Variants in RHCE observed in about 807,000 individuals in gnomAD.
RHCE encodes the protein blood group Rh(CE) polypeptide.
A neutral mutation model predicts 43.8 loss-of-function variants in RHCE; 22 were observed. The ratio of observed to expected loss-of-function variants is 0.50; its 90% CI spans 0.36 to 0.72. The LOEUF (loss-of-function observed/expected upper bound fraction) is 0.72, where lower values mean the gene tolerates loss of function less well. Among genes scored for constraint, RHCE ranks in the 30% least tolerant of loss-of-function variants. The pLI is 0.00. For synonymous variants in RHCE, 156 were observed against 210.7 expected, an observed-to-expected ratio of 0.74 and a Z score of 2.25; for missense variants, 385 against 525.4, an observed-to-expected ratio of 0.73 and a Z score of 2.61.
rs1646950398 is a variant in RHCE at position 25,407,338 on chromosome 1, A to C, written c.335+1345T>G. Reference sequence around the variant, plus strand: ...CTCTGGAGCATGTGGAAAAGGTTATAAAAAAAAGTTAGAGCCATCTCCACC... The same window carrying C: ...CTCTGGAGCATGTGGAAAAGGTTATCAAAAAAAGTTAGAGCCATCTCCACC... On this transcript the variant is annotated intron_variant, in intron 2 of 9. Coordinates refer to ENST00000294413, the MANE Select transcript of RHCE (RefSeq NM_020485.8). Among the ~76,000 whole-genome samples the C allele has an allele frequency of 1.6e-5, 2 of 123,374 alleles. 1 individual carries two copies. The highest frequency in any genetic ancestry group is 3.7e-5 in the Non-Finnish European group (2 of 54,084). 80.9% of individuals were successfully genotyped at this position (123,374 alleles called of 152,430 possible). A position where few individuals can be genotyped will look rare whatever the true frequency, so the allele number is the denominator to read the frequency against.
chr1:25,378,507 T>C (rs563318208), intron 7 of RHCE, among the ~76,000 whole-genome samples: 12 of 152,360 alleles, frequency 7.9e-5, no homozygotes, highest in Non-Finnish European at 1.8e-4. Context: ...ATTCTCGATT[T>C]GTCTATCCGG....
At chr1:25,379,751 T>C (rs980202272) in intron 7 of RHCE, among the ~76,000 whole-genome samples, 6 of 152,004 alleles carry the variant, frequency 3.9e-5, no homozygotes, top group Non-Finnish European at 8.8e-5. Flanking sequence ...CATAGCTCAC[T>C]GCAGCCTCAA....
intron 1 of RHCE, among the ~76,000 whole-genome samples, chr1:25,418,565 A>T (rs1197507586): frequency 1.3e-5 from 2 of 152,202 alleles, no homozygotes; most frequent in Non-Finnish European, 2.9e-5. Context: ...GGCCTCCCAA[A>T]GTGCTGGGAT....
At chr1:25,392,741 T>C (rs1237895074) in intron 3 of RHCE, among the ~76,000 whole-genome samples, 1 of 151,808 alleles carries the variant, frequency 6.6e-6, no homozygotes, top group East Asian at 1.9e-4. Context: ...TGGCCAATTT[T>C]TAAATTTTGT....
intron 1 of RHCE, among the ~76,000 whole-genome samples, chr1:25,410,522 C>T (rs138899813): frequency 0.01 from 1,592 of 151,762 alleles, 36 homozygotes; most frequent in African/African-American, 0.036. Flanking sequence ...CTCTGCCTCC[C>T]GGGTTCAAGT....
chr1:25,386,966 G>A (rs1249055650), intron 6 of RHCE, among the ~76,000 whole-genome samples: 1 of 152,184 alleles, frequency 6.6e-6, no homozygotes, highest in Non-Finnish European at 1.5e-5. Flanking sequence ...AGGAGGTGGA[G>A]GTTGCAGTGA....
chr1:25,420,577 G>A, intron 1 of RHCE, 62 bp downstream of exon 1: 3 of 1,613,732 alleles, frequency 1.9e-6, no homozygotes, highest in East Asian at 2.2e-5. Context: ...GAGAACCATA[G>A]GCCTCCCCCG....
Position 25,420,576 on chromosome 1 carries a change from A to G in RHCE, c.148+63T>C, listed in dbSNP as rs781148974. The G allele has an allele frequency of 1.6e-5, 26 of 1,613,596 alleles. No individual in the cohort carries two copies. The Admixed American group carries it at 1.8e-4, about 11-fold the overall frequency. On this transcript the variant is annotated intron_variant, in intron 1 of 9. Coordinates refer to ENST00000294413, the MANE Select transcript of RHCE (RefSeq NM_020485.8). ...AACATCTGTGCCCCTGGAGAACCAT[A>G]GGCCTCCCCCGCCCCTGCCCCTGCT...
chr1:25,388,579 T>A (rs532086003), intron 6 of RHCE, among the ~76,000 whole-genome samples: 2 of 151,872 alleles, frequency 1.3e-5, no homozygotes, highest in South Asian at 4.2e-4. Flanking sequence ...AGCAAAAGAC[T>A]ACACCCCACA....
chr1:25,371,377 T>G (rs1323559028), intron 8 of RHCE, among the ~76,000 whole-genome samples: 5 of 151,464 alleles, frequency 3.3e-5, no homozygotes, highest in Non-Finnish European at 1.5e-5. Flanking sequence ...TTTGATTTTA[T>G]TTTTTATTTT....
At chr1:25,391,708 T>C (rs1212063389) in intron 4 of RHCE, among the ~76,000 whole-genome samples, 1 of 152,124 alleles carries the variant, frequency 6.6e-6, no homozygotes, top group Non-Finnish European at 1.5e-5. Context: ...CTTGTCCGTT[T>C]CCCTCCTTTC....
chr1:25,418,634 G>A (rs571232570), intron 1 of RHCE, among the ~76,000 whole-genome samples: 13 of 152,340 alleles, frequency 8.5e-5, no homozygotes, highest in African/African-American at 2.9e-4. Context: ...ACAGGGCAAT[G>A]CAATGTTAAG....
At position 25,389,043 on chromosome 1, in the gene RHCE, G is replaced by A. The variant is rs374399829; in HGVS notation, c.872C>T (p.Pro291Leu). The change falls in exon 6 of 10, where the codon CCG (proline) becomes CTG (leucine). Residue 291 changes from proline (P) to leucine (L), a missense_variant. By Grantham distance (98) the Pro-to-Leu change is moderately conservative. Around this residue, in one of 6 missense-constraint regions of RHCE, gnomAD observed 56 missense variants for 90.0 expected, o/e 0.62. Transcript: ENST00000294413. ...VGTSCHLIPSPWLAMVLGLVA... is the reference protein window; with the variant it reads ...VGTSCHLIPSLWLAMVLGLVA... Reference sequence around the variant, plus strand: ...AAGACCCAGCACCATGGCAAGCCACGGAGAAGGGATCAGGTGACACGAGGT... The same window carrying A: ...AAGACCCAGCACCATGGCAAGCCACAGAGAAGGGATCAGGTGACACGAGGT... 55 of 1,614,094 alleles carry A rather than the reference G, an allele frequency of 3.4e-5. 1 individual carries two copies. The highest frequency in any genetic ancestry group is 1.3e-4 in the African/African-American group (10 of 74,946).
chr1:25,397,634 C>G (rs1203279460), intron 3 of RHCE, among the ~76,000 whole-genome samples: 1 of 152,190 alleles, frequency 6.6e-6, no homozygotes, highest in East Asian at 1.9e-4. Flanking sequence ...CTGGCCGCCC[C>G]TTGGTCACTG....
intron 3 of RHCE, among the ~76,000 whole-genome samples, chr1:25,395,327 G>A (rs909571189): frequency 6.6e-6 from 1 of 151,102 alleles, no homozygotes; most frequent in Non-Finnish European, 1.5e-5. Flanking sequence ...AGGAACAAGT[G>A]GAGGTGGATG....
At chr1:25,425,305 C>T (rs530953782), upstream of RHCE, among the ~76,000 whole-genome samples, 19 of 152,336 alleles carry the variant, frequency 1.2e-4, no homozygotes, top group South Asian at 3.3e-3. Flanking sequence ...AATCATTTTG[C>T]ATATGCTATT....
intron 3 of RHCE, among the ~76,000 whole-genome samples, chr1:25,400,099 T>G (rs889072985): frequency 5.3e-5 from 8 of 152,186 alleles, no homozygotes; most frequent in African/African-American, 1.9e-4. Context: ...GCTTGACTCT[T>G]GCAGTTCATC....
intron 2 of RHCE, among the ~76,000 whole-genome samples, chr1:25,405,227 G>A (rs1646879416): frequency 6.6e-6 from 1 of 152,090 alleles, no homozygotes; most frequent in Non-Finnish European, 1.5e-5. Context: ...GCGTGGTGGT[G>A]TGCACCCATA....
In RHCE at chr1:25,375,959, T is replaced by C. The variant is rs1197594815; in HGVS notation, c.1074-531A>G. On this transcript the variant is annotated intron_variant, in intron 7 of 9. Coordinates refer to ENST00000294413, the MANE Select transcript of RHCE (RefSeq NM_020485.8). ...GCATGCGCCACCATACCTGGATAATTTTTGTATTATTAATAGAGACGGGGT... is the reference window on the plus strand; with the variant it reads ...GCATGCGCCACCATACCTGGATAATCTTTGTATTATTAATAGAGACGGGGT... Among the ~76,000 whole-genome samples, 3 of 151,364 alleles carry C rather than the reference T, an allele frequency of 2.0e-5. 1 individual carries two copies. The South Asian group carries it at 6.3e-4, about 32-fold the overall frequency.
Sources: gnomAD v4.1 joint callset for allele counts (sites outside exome capture counted in the v4.1 genomes callset) on GRCh38, gnomAD v4.1.1 for gene constraint, gnomAD v4.1.1 regional missense constraint, MANE v1.5 for transcripts, NCBI Gene and HGNC (gene_info 2026-07-23, HGNC 2026-07-21) for gene names.